Variants in MYO10 observed in about 807,000 individuals in gnomAD.
MYO10 encodes myosin X.
MYO10 carries 133 observed loss-of-function variants against 257.3 expected under a neutral mutation model. That is an observed-to-expected ratio of 0.52 (90% CI 0.45 to 0.60). The LOEUF (loss-of-function observed/expected upper bound fraction) is 0.60. Among genes scored for constraint, MYO10 ranks in the 20% least tolerant of loss-of-function variants. The pLI is 0.00. For synonymous variants in MYO10, 1,104 were observed against 1,028.6 expected, an observed-to-expected ratio of 1.07 and a Z score of -1.40; for missense variants, 2,399 against 2,635.7, an observed-to-expected ratio of 0.91 and a Z score of 1.97.
In MYO10 at chr5:16,670,583, CTTGGCCATGGCCTGTTCCTGG is replaced by C; in HGVS notation, c.5805_5825del (p.Asn1935_Ala1941del). 6.2e-7 allele frequency: 1 copy of C among 1,614,020 alleles called. No individual in the cohort carries two copies. The highest frequency in any genetic ancestry group is 8.5e-7 in the Non-Finnish European group (1 of 1,179,880). ...GCCACTCCTTGATCAAGGCCATGTA[CTTGGCCATGGCCTGTTCCTGG>C]TTCATTCCCTGAAATTTCCTCCACT... On this transcript the variant is annotated inframe_deletion, in exon 39 of 41. Transcript: ENST00000513610.
intron 19 of MYO10, among the ~76,000 whole-genome samples, chr5:16,746,504 A>G (rs962909013): frequency 6.6e-6 from 1 of 152,196 alleles, no homozygotes; most frequent in African/African-American, 2.4e-5. Context: ...CAGTGCCTGG[A>G]TGTGAGTGAA....
chr5:16,825,487 CACA>C (rs1262875792), intron 2 of MYO10, among the ~76,000 whole-genome samples: 1 of 152,308 alleles, frequency 6.6e-6, no homozygotes, highest in Non-Finnish European at 1.5e-5. Context: ...CACTCAGCAT[CACA>C]ACGTTTGATG....
At chr5:16,796,024 C>G (rs1048293931) in intron 3 of MYO10, among the ~76,000 whole-genome samples, 1 of 151,676 alleles carries the variant, frequency 6.6e-6, no homozygotes, top group East Asian at 1.9e-4. Flanking sequence ...CCCGTCTCTA[C>G]TAAAAATACA....
chr5:16,842,844 T>A (rs564112071), intron 2 of MYO10, among the ~76,000 whole-genome samples: 1 of 149,788 alleles, frequency 6.7e-6, no homozygotes, highest in South Asian at 2.1e-4. Context: ...GAGCAAGCTA[T>A]GATTGCACCA....
chr5:16,670,464 G>A (rs763252416), intron 39 of MYO10, 62 bp downstream of exon 39: 36 of 1,418,682 alleles, frequency 2.5e-5, no homozygotes, highest in South Asian at 1.2e-4. Context: ...GAACTTGGCC[G>A]TGATCCATGT....
chr5:16,676,156 T>G lies in MYO10; in HGVS notation c.4543-2A>C. 1 of 1,611,302 alleles carries G rather than the reference T, an allele frequency of 6.2e-7. No individual in the cohort carries two copies. Among genetic ancestry groups the G allele is most frequent in the East Asian group, 2.2e-5 (1 of 44,782 alleles). Reference sequence around the variant, plus strand: ...CACATCCGAGTTCAGGCAGTTCTCCTAAAAATAAAGCAAGCAAGCTTATTG... The same window carrying G: ...CACATCCGAGTTCAGGCAGTTCTCCGAAAAATAAAGCAAGCAAGCTTATTG... On this transcript the variant is annotated splice_acceptor_variant, in intron 33 of 40. Transcript: ENST00000513610. LOFTEE classifies it high-confidence loss of function.
rs556645614 is a variant in MYO10 at position 16,811,325 on chromosome 5, A to G, written c.279+6684T>C. Among the ~76,000 whole-genome samples the G allele has an allele frequency of 3.9e-5, 6 of 152,314 alleles. No homozygotes were observed. In the East Asian group the frequency reaches 1.2e-3, roughly 29 times the overall value. On this transcript the variant is annotated intron_variant, in intron 3 of 40. Transcript: ENST00000513610. ...AGACCAAAAATGTCTTTTAGATATTACAAAATGTCCCCACGGCAGAATCAT... is the reference window on the plus strand; with the variant it reads ...AGACCAAAAATGTCTTTTAGATATTGCAAAATGTCCCCACGGCAGAATCAT...
At chr5:16,727,617 G>A (rs1023724966) in intron 19 of MYO10, among the ~76,000 whole-genome samples, 1 of 152,152 alleles carries the variant, frequency 6.6e-6, no homozygotes, top group African/African-American at 2.4e-5. Flanking sequence ...AATCTTTCAA[G>A]ATCAAGACAA....
chr5:16,764,932 GC>G (rs1413431422), intron 11 of MYO10, among the ~76,000 whole-genome samples: 1 of 152,070 alleles, frequency 6.6e-6, no homozygotes, highest in Non-Finnish European at 1.5e-5. Context: ...CAGGTGATCT[GC>G]CCGCCTCAGC....
At chr5:16,756,607 G>A (rs557072410) in intron 18 of MYO10, among the ~76,000 whole-genome samples, 1 of 152,140 alleles carries the variant, frequency 6.6e-6, no homozygotes, top group African/African-American at 2.4e-5. Flanking sequence ...GACATTCACG[G>A]CCCTTCATAT....
intron 1 of MYO10, among the ~76,000 whole-genome samples, chr5:16,892,855 CCAA>C (rs768211379): frequency 6.6e-6 from 1 of 152,152 alleles, no homozygotes; most frequent in Admixed American, 6.5e-5. Context: ...TTTCTCCAAA[CCAA>C]CAACATTACC....
chr5:16,926,206 A>C (rs1746127246), intron 1 of MYO10, among the ~76,000 whole-genome samples: 1 of 152,252 alleles, frequency 6.6e-6, no homozygotes, highest in African/African-American at 2.4e-5. Context: ...GGAGAATTTC[A>C]AATTTTGGAT....
chr5:16,762,580 T>C lies in MYO10; in HGVS notation c.1552A>G (p.Ser518Gly). 1 of 1,610,508 alleles carries C rather than the reference T, an allele frequency of 6.2e-7. No individual in the cohort carries two copies. Among genetic ancestry groups the C allele is most frequent in the Non-Finnish European group, 8.5e-7 (1 of 1,178,606 alleles). Residue 518 changes from serine to glycine, a missense_variant, in exon 15 of 41, where the codon AGC (serine) becomes GGC (glycine). Transcript: ENST00000513610. Reference sequence around the variant, plus strand: ...CTGTGTAGCTTCTCCAATAAGGTGCTGTCTGTGGCTTGAGGAAAATGGCTT... The same window carrying C: ...CTGTGTAGCTTCTCCAATAAGGTGCCGTCTGTGGCTTGAGGAAAATGGCTT... ...EESHFPQATD[S>G]TLLEKLHSQH...
At chr5:16,821,840 T>C (rs2126708706) in intron 2 of MYO10, among the ~76,000 whole-genome samples, 1 of 151,918 alleles carries the variant, frequency 6.6e-6, no homozygotes, top group African/African-American at 2.4e-5. Context: ...ACTAGAACCA[T>C]TCCTTCTCAG....
chr5:16,768,187 C>T lies in MYO10; in HGVS notation c.1060+887G>A, dbSNP rs75468984. Among the ~76,000 whole-genome samples the T allele has an allele frequency of 2.4e-3, 367 of 152,220 alleles. 13 individuals carry two copies. In the East Asian group the frequency reaches 0.052, roughly 22 times the overall value. On this transcript the variant is annotated intron_variant, in intron 10 of 40. Transcript: ENST00000513610. ...CCAGCTTCCATGACCTCATCTCTTG[C>T]TTCCATCAGAAAAGTTTTAAAAATT... is the stretch of plus-strand genomic sequence containing the variant.
chr5:16,866,348 C>CA (rs1371979692), intron 2 of MYO10, among the ~76,000 whole-genome samples: 1 of 152,162 alleles, frequency 6.6e-6, no homozygotes, highest in African/African-American at 2.4e-5. Flanking sequence ...ATACTGTCAT[C>CA]AGACAGAAGA....
intron 19 of MYO10, among the ~76,000 whole-genome samples, chr5:16,752,605 T>C (rs1740409884): frequency 1.3e-5 from 2 of 152,188 alleles, no homozygotes; most frequent in African/African-American, 2.4e-5. Context: ...GGACTTTAAA[T>C]TGACAAAAGA....
chr5:16,919,733 T>C lies in MYO10; in HGVS notation c.21+16055A>G, dbSNP rs150673069. On this transcript the variant is annotated intron_variant, in intron 1 of 40. Transcript: ENST00000513610. Reference sequence around the variant, plus strand: ...GGTTCACGCCTGTAATCTCAGCACTTTGGGAGGCCAAGGCAGGTGGATCAC... The same window carrying C: ...GGTTCACGCCTGTAATCTCAGCACTCTGGGAGGCCAAGGCAGGTGGATCAC... Among the ~76,000 whole-genome samples, 550 of 152,160 alleles carry C rather than the reference T, an allele frequency of 3.6e-3. 5 individuals are homozygous for C. The highest frequency in any genetic ancestry group is 0.013 in the African/African-American group (531 of 41,526).
chr5:16,830,305 G>A (rs1743126556), intron 2 of MYO10, among the ~76,000 whole-genome samples: 1 of 151,918 alleles, frequency 6.6e-6, no homozygotes. Flanking sequence ...TGATTTTATA[G>A]ACTCAGGTAC....
Sources: gnomAD v4.1 joint callset for allele counts (sites outside exome capture counted in the v4.1 genomes callset) on GRCh38, gnomAD v4.1.1 for gene constraint, MANE v1.5 for transcripts, NCBI Gene and HGNC (gene_info 2026-07-23, HGNC 2026-07-21) for gene names.